Variants in CIT observed in about 807,000 individuals in gnomAD.
CIT encodes citron Rho-interacting kinase.
In CIT, 79 loss-of-function variants were observed where a neutral mutation model predicts 272.7. The ratio of observed to expected loss-of-function variants is 0.29; its 90% CI spans 0.24 to 0.35. The LOEUF (loss-of-function observed/expected upper bound fraction) is 0.35. CIT is among the 10% of genes least tolerant of loss of function. The pLI is 1.00. For missense variants in CIT, 1,909 were observed against 2,618.3 expected, an observed-to-expected ratio of 0.73 and a Z score of 5.91; for synonymous variants, 948 against 995.6, an observed-to-expected ratio of 0.95 and a Z score of 0.90.
At chr12:119,841,464 C>T (rs1969407018) in intron 5 of CIT, among the ~76,000 whole-genome samples, 1 of 152,004 alleles carries the variant, frequency 6.6e-6, no homozygotes, top group Non-Finnish European at 1.5e-5. Flanking sequence ...TGTGAGCCAC[C>T]GTGCCCAGCC....
At chr12:119,876,862 C>T (rs1165818085) in intron 1 of CIT, among the ~76,000 whole-genome samples, 1 of 152,024 alleles carries the variant, frequency 6.6e-6, no homozygotes, top group Non-Finnish European at 1.5e-5. Context: ...GGGGTGGGCA[C>T]GGGGTATGAA....
At chr12:119,812,195 G>A (rs1221716322) in intron 9 of CIT, among the ~76,000 whole-genome samples, 6 of 151,916 alleles carry the variant, frequency 3.9e-5, no homozygotes, top group East Asian at 1.9e-4. Flanking sequence ...TGATCCGTCC[G>A]CCTTGGCCTC....
At position 119,734,362 on chromosome 12, in the gene CIT, A is replaced by C. The variant is rs1958639710; in HGVS notation, c.3157-5T>G. ...GGTCTTCAGAGCCTCCATCGTCTGC[A>C]AATCAGTAGCACTGATTTGTGCCTT... On this transcript the variant is annotated splice_region_variant and splice_polypyrimidine_tract_variant and intron_variant, in intron 25 of 47. Coordinates refer to ENST00000392521, the MANE Select transcript of CIT (RefSeq NM_001206999.2). 6.2e-7 allele frequency: 1 copy of C among 1,612,128 alleles called. No individual in the cohort carries two copies. The highest frequency in any genetic ancestry group is 8.5e-7 in the Non-Finnish European group (1 of 1,179,856).
chr12:119,800,710 G>T (rs1966118887), intron 10 of CIT, among the ~76,000 whole-genome samples: 1 of 152,200 alleles, frequency 6.6e-6, no homozygotes. Context: ...AAAAGAAAAA[G>T]AAACTCAGGA....
At position 119,690,349 on chromosome 12, in the gene CIT, G is replaced by A. The variant is rs1160881209; in HGVS notation, c.5988C>T (p.Ser1996=). Residue 1996 remains serine, a synonymous_variant, in exon 47 of 48, where the codon AGC becomes AGT. Coordinates refer to ENST00000392521, the MANE Select transcript of CIT (RefSeq NM_001206999.2). This position sits in a 1 kb window ranked among gnomAD's most constrained non-coding sequence, Gnocchi z 6.0. ...GCCCCTCGCGGTAGCGGTGGGGTGT[G>A]CTTGGCTCTCGCGGGTGGCTGGGGC... The part of the protein sequence containing the change: ...PEGPSHPREP[S]TPHRYREGRT... The A allele has an allele frequency of 1.3e-6, 2 of 1,598,144 alleles. No homozygotes were observed. Among genetic ancestry groups the A allele is most frequent in the Admixed American group, 1.7e-5 (1 of 59,448 alleles).
chr12:119,846,863 C>A (rs577672601), intron 5 of CIT, among the ~76,000 whole-genome samples: 21 of 151,314 alleles, frequency 1.4e-4, no homozygotes, highest in Non-Finnish European at 1.5e-4. Context: ...TATGATCATG[C>A]CACTGCAACA....
chr12:119,839,010 TATA>T (rs1161106742), intron 5 of CIT, among the ~76,000 whole-genome samples: 1 of 152,222 alleles, frequency 6.6e-6, no homozygotes, highest in African/African-American at 2.4e-5. Flanking sequence ...GGCTTGGAGC[TATA>T]ATGGACTTGC....
intron 23 of CIT, among the ~76,000 whole-genome samples, chr12:119,751,608 G>GA (rs67182916): frequency 2.6e-4 from 17 of 66,088 alleles, no homozygotes; most frequent in South Asian, 1.5e-3. Context: ...TCTACAGCTT[G>GA]AAAAAAAAAA....
At chr12:119,796,958 A>T (rs566662370) in intron 10 of CIT, among the ~76,000 whole-genome samples, 1 of 152,228 alleles carries the variant, frequency 6.6e-6, no homozygotes, top group Non-Finnish European at 1.5e-5. Flanking sequence ...CTTCTGAGAC[A>T]GTCATTTCAG....
chr12:119,819,756 T>C (rs1021307980), intron 9 of CIT, among the ~76,000 whole-genome samples: 2 of 152,262 alleles, frequency 1.3e-5, no homozygotes, highest in Non-Finnish European at 2.9e-5. Flanking sequence ...TCACTCAACA[T>C]GTGTTTATGA....
At position 119,846,211 on chromosome 12, in the gene CIT, A is replaced by G. The variant is rs1324024603; in HGVS notation, c.516+3963T>C. ...ATCCTCACTGGCCACAGGGGAGGCA[A>G]GCAGTGGTTTCCCTGAAGCTACTGA... On this transcript the variant is annotated intron_variant, in intron 5 of 47. Coordinates refer to ENST00000392521, the MANE Select transcript of CIT (RefSeq NM_001206999.2). 3.3e-5 allele frequency among the ~76,000 whole-genome samples: 5 copies of G among 152,144 alleles called. No individual in the cohort carries two copies. In the East Asian group the frequency reaches 7.7e-4, roughly 23 times the overall value.
chr12:119,710,730 A>T lies in CIT; in HGVS notation c.4855-110T>A. ...AAGGTTAAGGCCAAGTTATTCCTGG[A>T]AATGCTCAGAAACGCACATATGCTC... On this transcript the variant is annotated intron_variant, in intron 37 of 47. Coordinates refer to ENST00000392521, the MANE Select transcript of CIT (RefSeq NM_001206999.2). The surrounding 1 kb of genome is among the most constrained non-coding windows in gnomAD (Gnocchi z 5.6). The T allele has an allele frequency of 9.6e-7, 1 of 1,037,796 alleles. No homozygotes were observed. 64.3% of individuals were successfully genotyped at this position (1,037,796 alleles called of 1,614,324 possible).
Position 119,857,585 on chromosome 12 carries a change from C to T in CIT, c.352G>A (p.Ala118Thr), listed in dbSNP as rs754275067. The T allele has an allele frequency of 3.7e-6, 6 of 1,614,204 alleles. No individual in the cohort carries two copies. The highest frequency in any genetic ancestry group is 5.1e-6 in the Non-Finnish European group (6 of 1,180,034). The change falls in exon 4 of 48, where the codon GCA (alanine) becomes ACA (threonine). Residue 118 changes from alanine (A) to threonine (T), a missense_variant. Ala to Thr is a moderately conservative substitution (Grantham distance 58). Transcript: ENST00000392521. The stretch of plus-strand genomic sequence containing the variant: ...TTCATAGCATAGATGTCCCCGGTTG[C>T]TTTCTCTCTTACCACCTGCACTTCA... The part of the protein sequence containing the change: ...FAEVQVVREK[A>T]TGDIYAMKVM...
intron 5 of CIT, among the ~76,000 whole-genome samples, chr12:119,848,192 T>C (rs1593943832): frequency 6.6e-6 from 1 of 152,208 alleles, no homozygotes; most frequent in Non-Finnish European, 1.5e-5. Context: ...AGTCTGCCAA[T>C]AGATTCATAT....
intron 5 of CIT, among the ~76,000 whole-genome samples, chr12:119,847,466 C>T (rs564631589): frequency 5.9e-5 from 9 of 152,002 alleles, no homozygotes; most frequent in African/African-American, 7.3e-5. Context: ...CGGTGGCACA[C>T]GCCTGTAGTC....
In CIT at chr12:119,772,834, A is replaced by G. The variant is rs1963319863; in HGVS notation, c.2018T>C (p.Leu673Pro). 6.2e-7 allele frequency: 1 copy of G among 1,613,984 alleles called. No homozygotes were observed. The highest frequency in any genetic ancestry group is 8.5e-7 in the Non-Finnish European group (1 of 1,179,998). The change falls in exon 17 of 48, where the codon CTG (leucine) becomes CCG (proline). Residue 673 changes from leucine to proline, a missense_variant. Physicochemically the swap from Leu to Pro is moderately conservative, Grantham distance 98. Around this residue, in one of 8 missense-constraint regions of CIT, gnomAD observed 530 missense variants for 822.4 expected, o/e 0.64. Coordinates refer to ENST00000392521, the MANE Select transcript of CIT (RefSeq NM_001206999.2). ...RQAKERAERE[L>P]EKLQNREDSS... Reference sequence around the variant, plus strand: ...ATCCTCTCGGTTCTGCAGCTTCTCCAGCTCCCTCTCGGCTCGCTCCTTTGC... The same window carrying G: ...ATCCTCTCGGTTCTGCAGCTTCTCCGGCTCCCTCTCGGCTCGCTCCTTTGC...
At chr12:119,749,874 T>C (rs1011069156) in intron 23 of CIT, among the ~76,000 whole-genome samples, 1 of 152,144 alleles carries the variant, frequency 6.6e-6, no homozygotes. Context: ...AATTTCCCCA[T>C]AGATAAAGAG....
chr12:119,795,999 T>C (rs1165985381), intron 10 of CIT, among the ~76,000 whole-genome samples: 1 of 152,260 alleles, frequency 6.6e-6, no homozygotes, highest in Non-Finnish European at 1.5e-5. Flanking sequence ...ATTGAAGACC[T>C]GCCAGGGGCA....
chr12:119,876,026 TC>T, intron 2 of CIT, 46 bp downstream of exon 2: 1 of 1,150,110 alleles, frequency 8.7e-7, no homozygotes, highest in Non-Finnish European at 1.3e-6. Flanking sequence ...ACAAGGAGAT[TC>T]CAAGGACACA....
Sources: gnomAD v4.1 joint callset for allele counts (sites outside exome capture counted in the v4.1 genomes callset) on GRCh38, gnomAD v4.1.1 for gene constraint, gnomAD v4.1.1 regional missense constraint, Gnocchi (gnomAD v3.1) non-coding constraint, MANE v1.5 for transcripts, NCBI Gene and HGNC (gene_info 2026-07-23, HGNC 2026-07-21) for gene names.